MAP4: variants seen among roughly 807,000 people sequenced by gnomAD.
MAP4 encodes microtubule-associated protein 4.
Under a neutral mutation model 170.2 loss-of-function variants are expected in MAP4, and 76 were observed. The observed-to-expected ratio is 0.45, with a 90% confidence interval of 0.37 to 0.54. MAP4 has a LOEUF of 0.54. Ranked by LOEUF, MAP4 falls within the 20% of genes least tolerant of loss-of-function variation. The probability of loss-of-function intolerance (pLI) is 0.00; values close to 1 mark genes in which losing one functional copy is unlikely to be tolerated. For synonymous variants in MAP4, 909 were observed against 994.5 expected (o/e 0.91, Z 1.62); for missense variants, 2,506 against 2,748.0 (o/e 0.91, Z 1.97).
chr3:47,956,197 C>A (rs2100067719), intron 3 of MAP4, among the ~76,000 whole-genome samples: 1 of 151,998 alleles, frequency 6.6e-6, no homozygotes, highest in African/African-American at 2.4e-5. Flanking sequence ...TCAAGCAGGT[C>A]CAGAAATATG....
chr3:47,991,093 G>C (rs1038035185), intron 2 of MAP4, among the ~76,000 whole-genome samples: 7 of 152,276 alleles, frequency 4.6e-5, no homozygotes, highest in African/African-American at 1.7e-4. Context: ...AGGTCGGGGG[G>C]TTCTTGTGTT....
chr3:47,866,590 C>A (rs956641734), intron 17 of MAP4, among the ~76,000 whole-genome samples: 1 of 151,490 alleles, frequency 6.6e-6, no homozygotes, highest in Non-Finnish European at 1.5e-5. Flanking sequence ...CCCGTCTCTA[C>A]TAAAAATACA....
chr3:47,888,774 CATT>C (rs1312590952), intron 10 of MAP4, among the ~76,000 whole-genome samples: 1 of 152,180 alleles, frequency 6.6e-6, no homozygotes, highest in Non-Finnish European at 1.5e-5. Context: ...AATTTTCTCC[CATT>C]ATTTCTTGTC....
chr3:48,022,902 A>G (rs1195624685), intron 1 of MAP4, among the ~76,000 whole-genome samples: 6 of 152,142 alleles, frequency 3.9e-5, no homozygotes, highest in African/African-American at 1.4e-4. Flanking sequence ...GGGGGGAAAA[A>G]AAAAAATTTA....
chr3:48,028,195 C>T (rs1006512668), intron 1 of MAP4, among the ~76,000 whole-genome samples: 5 of 152,016 alleles, frequency 3.3e-5, no homozygotes, highest in South Asian at 4.1e-4. Flanking sequence ...GGGAGGCTGA[C>T]GCAGGAGAAT....
At chr3:47,949,987 A>T (rs1279722538) in intron 3 of MAP4, among the ~76,000 whole-genome samples, 1 of 152,076 alleles carries the variant, frequency 6.6e-6, no homozygotes. Flanking sequence ...TTTTGTTGGC[A>T]CTCCAGCAAA....
chr3:47,957,593 A>C (rs1402659123), intron 3 of MAP4, among the ~76,000 whole-genome samples: 1 of 152,198 alleles, frequency 6.6e-6, no homozygotes, highest in Non-Finnish European at 1.5e-5. Flanking sequence ...GGTTACAGGC[A>C]TATGCCACCA....
At chr3:48,073,044 A>G (rs2100141778) in intron 1 of MAP4, among the ~76,000 whole-genome samples, 1 of 149,146 alleles carries the variant, frequency 6.7e-6, no homozygotes, top group Non-Finnish European at 1.5e-5. Context: ...GAGCCTGGCC[A>G]ACATGGTGAA....
intron 3 of MAP4, among the ~76,000 whole-genome samples, chr3:47,940,911 C>G (rs2100055863): frequency 6.6e-6 from 1 of 151,840 alleles, no homozygotes; most frequent in African/African-American, 2.4e-5. Flanking sequence ...GAGTTTTGCT[C>G]TTGCTGCCCA....
At chr3:48,060,931 GTCTC>G (rs1327596097) in intron 1 of MAP4, among the ~76,000 whole-genome samples, 2 of 151,720 alleles carry the variant, frequency 1.3e-5, no homozygotes, top group African/African-American at 2.4e-5. Context: ...TGCAAGCTCC[GTCTC>G]CCAAGTACAC....
In MAP4 at chr3:47,909,370, C is replaced by T. The variant is rs2100034775; in HGVS notation, c.5051G>A (p.Ser1684Asn). 4 of 1,613,960 alleles carry T rather than the reference C, an allele frequency of 2.5e-6. No homozygotes were observed. Among genetic ancestry groups the T allele is most frequent in the Non-Finnish European group, 3.4e-6 (4 of 1,179,846 alleles). ...GATTTCTGGTGTTGGCAAGGAAACGCTTTCCAATTCCGTGATTTTACAAGC... is the reference window on the plus strand; with the variant it reads ...GATTTCTGGTGTTGGCAAGGAAACGTTTTCCAATTCCGTGATTTTACAAGC... ...SLACKITELE[S>N]VSLPTPEIQS... The change falls in exon 9 of 21, where the codon AGC becomes AAC. Residue 1684 changes from serine to asparagine, a missense_variant. Coordinates refer to ENST00000683076, the MANE Select transcript of MAP4 (RefSeq NM_001385682.1).
intron 11 of MAP4, 33 bp downstream of exon 11, chr3:47,877,384 G>A (rs1332417764): frequency 2.7e-6 from 4 of 1,483,622 alleles, no homozygotes. Context: ...AAAAATTATG[G>A]CAGTAGAAGA....
rs141875087 is a variant in MAP4, at chr3:48,014,812, A to G, written c.-20+1522T>C. Among the ~76,000 whole-genome samples the G allele has an allele frequency of 6.0e-4, 92 of 152,348 alleles. 2 individuals are homozygous for G. In the East Asian group the frequency reaches 0.015, roughly 25 times the overall value. ...GCCAGCATTCTCTTTTTAAAAGTAT[A>G]GAATCCTATTTCTTAATTTAAAAGT... On this transcript the variant is annotated intron_variant, in intron 1 of 20. Coordinates refer to ENST00000683076, the MANE Select transcript of MAP4 (RefSeq NM_001385682.1).
intron 1 of MAP4, among the ~76,000 whole-genome samples, chr3:48,004,057 C>G (rs535203578): frequency 6.6e-6 from 1 of 152,162 alleles, no homozygotes; most frequent in African/African-American, 2.4e-5. Flanking sequence ...TCAATACTTA[C>G]TAAATTCCTC....
intron 7 of MAP4, 115 bp downstream of exon 7, chr3:47,915,836 A>G: frequency 8.2e-7 from 1 of 1,213,092 alleles, no homozygotes. Flanking sequence ...GTATGAATAA[A>G]CTTGCAAAGT....
intron 10 of MAP4, among the ~76,000 whole-genome samples, chr3:47,893,411 C>T (rs192348679): frequency 6.6e-5 from 10 of 152,320 alleles, no homozygotes; most frequent in East Asian, 5.8e-4. Flanking sequence ...TGTGAACACA[C>T]TGGGGGCAGT....
intron 2 of MAP4, among the ~76,000 whole-genome samples, chr3:47,988,788 A>T (rs1283052860): frequency 6.6e-6 from 1 of 151,868 alleles, no homozygotes; most frequent in Non-Finnish European, 1.5e-5. Flanking sequence ...AAAAAGGTAT[A>T]GTTTCACAGA....
chr3:47,928,758 T>C (rs1404234608), intron 3 of MAP4, among the ~76,000 whole-genome samples: 1 of 150,954 alleles, frequency 6.6e-6, no homozygotes, highest in Non-Finnish European at 1.5e-5. Context: ...ACGAAGAGGG[T>C]AGTGATTTCT....
chr3:48,055,826 C>T (rs1195308471), intron 1 of MAP4, among the ~76,000 whole-genome samples: 30 of 141,064 alleles, frequency 2.1e-4, no homozygotes, highest in Admixed American at 1.3e-3. Context: ...CGCCCATAGT[C>T]TGAGACGTGG....
Sources: allele counts gnomAD v4.1 joint callset (sites outside exome capture counted in the v4.1 genomes callset), GRCh38; gene constraint gnomAD v4.1.1; transcripts MANE v1.5; gene names NCBI Gene and HGNC (gene_info 2026-07-23, HGNC 2026-07-21).